The following DLG1 variants were observed in gnomAD, a reference collection of about 807,000 sequenced individuals.
The protein encoded by DLG1 is disks large homolog 1.
Under a neutral mutation model 123.4 loss-of-function variants are expected in DLG1, and 42 were observed. The ratio of observed to expected loss-of-function variants is 0.34; its 90% CI spans 0.27 to 0.44. The LOEUF is 0.44. Among genes scored for constraint, DLG1 ranks in the 20% least tolerant of loss-of-function variants. The pLI is 1.00. For synonymous variants in DLG1, 317 were observed against 356.2 expected (o/e 0.89, Z 1.24); for missense variants, 942 against 1,082.6 (o/e 0.87, Z 1.82).
intron 4 of DLG1, among the ~76,000 whole-genome samples, chr3:197,235,185 G>T (rs1269470953): frequency 1.3e-5 from 2 of 152,098 alleles, no homozygotes; most frequent in Non-Finnish European, 2.9e-5. Flanking sequence ...CCATTTTTTG[G>T]AACTTGACAC....
chr3:197,289,731 T>C (rs972439282), intron 3 of DLG1, among the ~76,000 whole-genome samples: 2 of 152,224 alleles, frequency 1.3e-5, no homozygotes, highest in South Asian at 4.1e-4. Flanking sequence ...CAAATACTCT[T>C]TCTTCTAAAC....
At chr3:197,237,795 C>T (rs1746782893) in intron 4 of DLG1, among the ~76,000 whole-genome samples, 1 of 152,220 alleles carries the variant, frequency 6.6e-6, no homozygotes, top group South Asian at 2.1e-4. Flanking sequence ...CCTACTTCTA[C>T]ATACTGTCAC....
chr3:197,075,726 T>TAC, intron 18 of DLG1: 1 of 841,118 alleles, frequency 1.2e-6, no homozygotes, highest in Non-Finnish European at 1.9e-6. Context: ...ATCTAAATCA[T>TAC]ACACCTCCTT....
intron 12 of DLG1, among the ~76,000 whole-genome samples, chr3:197,116,362 G>A (rs1215783132): frequency 2.0e-5 from 3 of 152,066 alleles, no homozygotes; most frequent in African/African-American, 7.2e-5. Flanking sequence ...TATTATAAGA[G>A]CTTATCAGGA....
chr3:197,243,981 G>C (rs2150766885), intron 4 of DLG1, among the ~76,000 whole-genome samples: 1 of 152,312 alleles, frequency 6.6e-6, no homozygotes, highest in Non-Finnish European at 1.5e-5. Context: ...GGATCAGAGT[G>C]CAAGTGCCGC....
At chr3:197,201,328 G>A (rs1198870593) in intron 4 of DLG1, among the ~76,000 whole-genome samples, 1 of 152,236 alleles carries the variant, frequency 6.6e-6, no homozygotes, top group African/African-American at 2.4e-5. Flanking sequence ...AGCTTGCAGT[G>A]AGCCAAGATC....
intron 5 of DLG1, among the ~76,000 whole-genome samples, chr3:197,150,553 T>C (rs1323804371): frequency 1.3e-5 from 2 of 152,104 alleles, no homozygotes; most frequent in African/African-American, 2.4e-5. Context: ...TTCTTCTGCA[T>C]ATTTAAAGTT....
intron 24 of DLG1, among the ~76,000 whole-genome samples, chr3:197,046,429 G>A (rs1005046774): frequency 6.6e-5 from 10 of 152,152 alleles, no homozygotes; most frequent in South Asian, 2.1e-4. Context: ...CATAAGTAAC[G>A]GCACAAGTAG....
rs1193001070 is a variant in DLG1 at position 197,123,912 on chromosome 3, A to G, written c.1166-4382T>C. On this transcript the variant is annotated intron_variant, in intron 11 of 24. Transcript: ENST00000667157. The stretch of plus-strand genomic sequence containing the variant: ...GCCATGTGACTGATCATTAAGCTAA[A>G]TTCTTAAAATTGGTACCCTTACTGA... 2.6e-5 allele frequency among the ~76,000 whole-genome samples: 4 copies of G among 152,350 alleles called. No homozygotes were observed. In the East Asian group the frequency reaches 7.7e-4, roughly 29 times the overall value.
rs549011663 is a variant in DLG1, at chr3:197,210,524, T to C, written c.319-15935A>G. Among the ~76,000 whole-genome samples the C allele has an allele frequency of 1.1e-3, 157 of 143,884 alleles. 19 individuals carry two copies. The highest frequency in any genetic ancestry group is 2.5e-3 in the Admixed American group (36 of 14,326). 94.4% of individuals were successfully genotyped at this position (143,884 alleles called of 152,430 possible). On this transcript the variant is annotated intron_variant, in intron 4 of 24. Coordinates refer to ENST00000667157, the MANE Select transcript of DLG1 (RefSeq NM_001366207.1). ...AAAAACTTTAGGCAAACTAATCCAA[T>C]AGGTTAGATGAAATCAAGAAATTCC...
intron 4 of DLG1, among the ~76,000 whole-genome samples, chr3:197,254,256 G>GA (rs1365828136): frequency 6.6e-6 from 1 of 152,234 alleles, no homozygotes; most frequent in Non-Finnish European, 1.5e-5. Context: ...ATAAAGCCAT[G>GA]AAACATTTCT....
At chr3:197,165,364 T>C (rs994514954) in intron 5 of DLG1, among the ~76,000 whole-genome samples, 14 of 152,338 alleles carry the variant, frequency 9.2e-5, no homozygotes, top group East Asian at 3.8e-4. Flanking sequence ...TTTTAAAGCA[T>C]TGGATTTTGT....
chr3:197,101,011 G>T (rs1430855681), intron 14 of DLG1, among the ~76,000 whole-genome samples: 1 of 151,992 alleles, frequency 6.6e-6, no homozygotes, highest in South Asian at 2.1e-4. Flanking sequence ...AGGTGTACAA[G>T]CTTTTAACTT....
intron 23 of DLG1, among the ~76,000 whole-genome samples, chr3:197,057,126 A>T (rs1417173456): frequency 6.6e-6 from 1 of 152,008 alleles, no homozygotes; most frequent in East Asian, 1.9e-4. Flanking sequence ...CCAAGGCTGG[A>T]GTGCAGTGGT....
At chr3:197,080,959 G>A (rs1181997710) in intron 17 of DLG1, 92 bp downstream of exon 17, 2 of 1,208,834 alleles carry the variant, frequency 1.7e-6, no homozygotes, top group African/African-American at 3.0e-5. Flanking sequence ...GGCAAGAACT[G>A]ATCATGAATA....
At chr3:197,227,704 T>C (rs1055804778) in intron 4 of DLG1, among the ~76,000 whole-genome samples, 2 of 152,166 alleles carry the variant, frequency 1.3e-5, no homozygotes, top group African/African-American at 2.4e-5. Flanking sequence ...AAGAACACTT[T>C]TAATTCCAAT....
chr3:197,127,422 C>G (rs1779699559), intron 11 of DLG1, among the ~76,000 whole-genome samples: 1 of 17,184 alleles, frequency 5.8e-5, no homozygotes, highest in Non-Finnish European at 9.7e-5. Context: ...GATTCTGTCT[C>G]CAAAAAAAAA....
At chr3:197,065,508 C>A (rs1240252206) in intron 21 of DLG1, 60 bp from the exon 22 acceptor site, 8 of 1,391,216 alleles carry the variant, frequency 5.8e-6, no homozygotes, top group Middle Eastern at 1.9e-4. Context: ...ACAATAAATC[C>A]ATTTTCTACT....
At chr3:197,106,174 G>A (rs1766228128) in intron 13 of DLG1, among the ~76,000 whole-genome samples, 1 of 152,236 alleles carries the variant, frequency 6.6e-6, no homozygotes, top group Non-Finnish European at 1.5e-5. Flanking sequence ...GGGAAGCTGA[G>A]GTGGGTGGTT....
Sources: gnomAD v4.1 joint callset for allele counts (sites outside exome capture counted in the v4.1 genomes callset) on GRCh38, gnomAD v4.1.1 for gene constraint, MANE v1.5 for transcripts, NCBI Gene and HGNC (gene_info 2026-07-23, HGNC 2026-07-21) for gene names.